RBFOX1: variants seen among roughly 807,000 people sequenced by gnomAD.
RBFOX1 encodes the protein RNA binding protein fox-1 homolog 1.
A neutral mutation model predicts 57.7 loss-of-function variants in RBFOX1; 8 were observed. The observed-to-expected ratio is 0.14, with a 90% CI of 0.08 to 0.25. RBFOX1 has a LOEUF of 0.25. Ranked by LOEUF, RBFOX1 falls within the 10% of genes least tolerant of loss-of-function variation. The pLI is 1.00. For missense variants in RBFOX1, 611 were observed against 548.5 expected, an observed-to-expected ratio of 1.11 and a Z score of -1.14; for synonymous variants, 326 against 222.4, an observed-to-expected ratio of 1.47 and a Z score of -4.15.
chr16:6,769,257 A>G (rs7192090), intron 3 of RBFOX1, among the ~76,000 whole-genome samples: 6,045 of 152,214 alleles, frequency 0.04, 392 homozygotes, highest in African/African-American at 0.14. Context: ...GCTGCCATCG[A>G]TGTAAGATGA....
intron 4 of RBFOX1, among the ~76,000 whole-genome samples, chr16:7,254,222 G>A (rs1338147479): frequency 6.6e-6 from 1 of 152,152 alleles, no homozygotes; most frequent in Non-Finnish European, 1.5e-5. Context: ...GAGAAACAAG[G>A]ATCCCAGAAG....
intron 2 of RBFOX1, among the ~76,000 whole-genome samples, chr16:6,555,418 A>G (rs541076418): frequency 6.6e-6 from 1 of 152,122 alleles, no homozygotes; most frequent in Non-Finnish European, 1.5e-5. Context: ...ATACCATTCC[A>G]GCTGGGCACG....
chr16:7,045,073 A>G (rs2047443406), intron 3 of RBFOX1, among the ~76,000 whole-genome samples: 2 of 152,150 alleles, frequency 1.3e-5, no homozygotes, highest in Admixed American at 1.3e-4. Context: ...AGATGTGAGG[A>G]AAGCATGGAT....
chr16:6,641,060 C>G (rs781265930), intron 2 of RBFOX1, among the ~76,000 whole-genome samples: 1 of 152,134 alleles, frequency 6.6e-6, no homozygotes, highest in Non-Finnish European at 1.5e-5. Context: ...CCCACTTTCC[C>G]GATCTTCACT....
chr16:7,106,617 A>T (rs2063631380), intron 4 of RBFOX1, among the ~76,000 whole-genome samples: 1 of 152,048 alleles, frequency 6.6e-6, no homozygotes, highest in African/African-American at 2.4e-5. Flanking sequence ...AGGTCCTGGC[A>T]TAATAATAAT....
chr16:7,094,294 C>A (rs2061336560), intron 4 of RBFOX1, among the ~76,000 whole-genome samples: 1 of 151,924 alleles, frequency 6.6e-6, no homozygotes. Flanking sequence ...TTTCGGGAAG[C>A]AATAGAGCAT....
At chr16:7,040,389 C>T (rs915777939) in intron 3 of RBFOX1, among the ~76,000 whole-genome samples, 2 of 152,140 alleles carry the variant, frequency 1.3e-5, no homozygotes, top group Non-Finnish European at 1.5e-5. Context: ...TGATGCTCTA[C>T]AAATAACATC....
chr16:6,834,118 G>T (rs1479296067), intron 3 of RBFOX1, among the ~76,000 whole-genome samples: 6 of 151,922 alleles, frequency 3.9e-5, no homozygotes, highest in African/African-American at 1.5e-4. Context: ...GGGCTGGTGT[G>T]CAGTGGTGTG....
chr16:6,984,553 T>A (rs761007800), intron 3 of RBFOX1, among the ~76,000 whole-genome samples: 4 of 152,258 alleles, frequency 2.6e-5, no homozygotes, highest in African/African-American at 9.6e-5. Context: ...CAGCAGCCCA[T>A]TGAGTTCCGG....
intron 3 of RBFOX1, among the ~76,000 whole-genome samples, chr16:6,657,560 C>T (rs752341733): frequency 3.3e-5 from 5 of 152,144 alleles, no homozygotes; most frequent in African/African-American, 1.2e-4. Flanking sequence ...CTCTGCCACA[C>T]TGATGGGTTG....
rs577774489 is a variant in RBFOX1 at position 7,519,815 on chromosome 16, G to C, written c.270+1426G>C. The C allele has an allele frequency of 6.5e-5, 49 of 749,950 alleles. No individual in the cohort carries two copies. In the African/African-American group the frequency reaches 8.2e-4, roughly 13 times the overall value. 46.5% of individuals were successfully genotyped at this position (749,950 alleles called of 1,614,324 possible). On this transcript the variant is annotated intron_variant, in intron 5 of 15. Coordinates refer to ENST00000550418, the MANE Select transcript of RBFOX1 (RefSeq NM_018723.4). Reference sequence around the variant, plus strand: ...GCATGATACATTTCCTGTGATAAAAGAAAACACTGACTAACTTTGCTACTT... The same window carrying C: ...GCATGATACATTTCCTGTGATAAAACAAAACACTGACTAACTTTGCTACTT...
At chr16:6,728,332 C>G (rs116361209) in intron 3 of RBFOX1, among the ~76,000 whole-genome samples, 4,070 of 150,830 alleles carry the variant, frequency 0.027, 170 homozygotes, top group African/African-American at 0.089. Flanking sequence ...GTAACTTGAG[C>G]AAATTTCTCT....
chr16:7,018,327 C>A (rs151160579), intron 3 of RBFOX1, among the ~76,000 whole-genome samples: 1 of 152,240 alleles, frequency 6.6e-6, no homozygotes, highest in African/African-American at 2.4e-5. Flanking sequence ...AGAAGCCTAA[C>A]CTCCGGGAGT....
rs950795172 is a variant in RBFOX1, at chr16:6,725,139, G to A, written c.-16+70489G>A. The stretch of plus-strand genomic sequence containing the variant: ...GATCTCGGCTCACTGCAAGCTCTGC[G>A]TCCCGGGTTCACGCCATTCTCCTGC... On this transcript the variant is annotated intron_variant, in intron 3 of 15. Transcript: ENST00000550418. 2.2e-4 allele frequency among the ~76,000 whole-genome samples: 31 copies of A among 142,514 alleles called. No individual in the cohort carries two copies. In the East Asian group the frequency reaches 2.8e-3, roughly 13 times the overall value. 93.5% of individuals were successfully genotyped at this position (142,514 alleles called of 152,430 possible). A position where few individuals can be genotyped will look rare whatever the true frequency, so the allele number is the denominator to read the frequency against.
chr16:7,270,499 T>C (rs543793377), intron 4 of RBFOX1, among the ~76,000 whole-genome samples: 1 of 152,306 alleles, frequency 6.6e-6, no homozygotes, highest in Non-Finnish European at 1.5e-5. Flanking sequence ...CTAACAATGA[T>C]AAGGGAAGGT....
intron 4 of RBFOX1, among the ~76,000 whole-genome samples, chr16:5,996,786 C>T (rs945427831): frequency 6.6e-6 from 1 of 152,172 alleles, no homozygotes; most frequent in Admixed American, 6.5e-5. Context: ...TCCAATGTCA[C>T]CCTCTTTCCT....
chr16:7,114,252 A>C (rs778148984), intron 4 of RBFOX1, among the ~76,000 whole-genome samples: 2 of 152,184 alleles, frequency 1.3e-5, no homozygotes, highest in Non-Finnish European at 2.9e-5. Flanking sequence ...GTGTGTGCAC[A>C]TGAGTGTACT....
At chr16:7,652,730 G>A (rs1467438245) in intron 11 of RBFOX1, among the ~76,000 whole-genome samples, 1 of 152,152 alleles carries the variant, frequency 6.6e-6, no homozygotes, top group East Asian at 1.9e-4. Flanking sequence ...TTAAGGGTCG[G>A]GGTCCCAGAC....
intron 3 of RBFOX1, among the ~76,000 whole-genome samples, chr16:6,750,430 A>G (rs145357641): frequency 1.6e-4 from 24 of 152,316 alleles, no homozygotes; most frequent in Admixed American, 1.2e-3. Flanking sequence ...GCTCAGGAGT[A>G]AATTATGTTT....
Sources: gnomAD v4.1 joint callset for allele counts (sites outside exome capture counted in the v4.1 genomes callset) on GRCh38, gnomAD v4.1.1 for gene constraint, MANE v1.5 for transcripts, NCBI Gene and HGNC (gene_info 2026-07-23, HGNC 2026-07-21) for gene names.